Variants in IL1RAPL2 observed in about 807,000 individuals in gnomAD.
The protein encoded by IL1RAPL2 is interleukin 1 receptor accessory protein like 2, also known as X-linked interleukin-1 receptor accessory protein-like 2.
A neutral mutation model predicts 44.1 loss-of-function variants in IL1RAPL2; 3 were observed. The observed-to-expected ratio is 0.07, with a 90% CI of 0.03 to 0.18. The LOEUF (loss-of-function observed/expected upper bound fraction) is 0.18, where lower values mean the gene tolerates loss of function less well. Among genes scored for constraint, IL1RAPL2 ranks in the 10% least tolerant of loss-of-function variants. The pLI is 1.00. For synonymous variants in IL1RAPL2, 181 were observed against 178.8 expected (o/e 1.01, Z -0.10); for missense variants, 391 against 496.4 (o/e 0.79, Z 2.02).
At chrX:104,881,357 T>C (rs1050908413) in intron 2 of IL1RAPL2, among the ~76,000 whole-genome samples, 5 of 112,145 alleles carry the variant, frequency 4.5e-5, no homozygotes, top group Non-Finnish European at 9.4e-5. Context: ...TATCTGTAAA[T>C]TGCACTGAAT....
At position 105,022,822 on chromosome X, in the gene IL1RAPL2, T is replaced by C. The variant is rs1484213483; in HGVS notation, c.83-172653T>C. On this transcript the variant is annotated intron_variant, in intron 2 of 10. Coordinates refer to ENST00000372582, the MANE Select transcript of IL1RAPL2 (RefSeq NM_017416.2). ...AGGAAATGGTTAGTGGGCAAGCAGA[T>C]TTTCTCTTGTGGAGAATGGCTCAGA... is the stretch of plus-strand genomic sequence containing the variant. 2.7e-5 allele frequency among the ~76,000 whole-genome samples: 3 copies of C among 110,993 alleles called. No homozygotes were observed. The East Asian group carries it at 8.6e-4, about 32-fold the overall frequency.
At chrX:104,840,366 G>C (rs1158284110) in intron 2 of IL1RAPL2, among the ~76,000 whole-genome samples, 1 of 111,879 alleles carries the variant, frequency 8.9e-6, no homozygotes, top group African/African-American at 3.3e-5. Flanking sequence ...CCATGTAGTC[G>C]TGTGGTTTTG....
At chrX:105,711,570 A>G (rs766731285) in intron 6 of IL1RAPL2, among the ~76,000 whole-genome samples, 2 of 111,534 alleles carry the variant, frequency 1.8e-5, no homozygotes, top group East Asian at 5.7e-4. Context: ...GTCCCTCAAA[A>G]CTTATATCCT....
At chrX:104,647,984 A>G in intron 1 of IL1RAPL2, 1 of 816,497 alleles carries the variant, frequency 1.2e-6, no homozygotes. Context: ...AATGGACACA[A>G]ACACTTTGGC....
At chrX:105,597,246 A>G (rs955419012) in intron 6 of IL1RAPL2, among the ~76,000 whole-genome samples, 1 of 112,194 alleles carries the variant, frequency 8.9e-6, no homozygotes, top group Non-Finnish European at 1.9e-5. Flanking sequence ...TGGCAAACAC[A>G]TATGTGAAGA....
chrX:105,013,324 A>G (rs1292256094), intron 2 of IL1RAPL2, among the ~76,000 whole-genome samples: 1 of 110,675 alleles, frequency 9.0e-6, no homozygotes, highest in East Asian at 2.9e-4. Context: ...ATGCCAACAG[A>G]ACCGCAGCAT....
intron 2 of IL1RAPL2, among the ~76,000 whole-genome samples, chrX:105,046,379 C>A (rs940687501): frequency 9.0e-6 from 1 of 111,729 alleles, no homozygotes; most frequent in African/African-American, 3.3e-5. Flanking sequence ...ACTCTGCTTT[C>A]TGATCAGAAT....
At chrX:104,647,703 C>T (rs749407879) in intron 1 of IL1RAPL2, 16 of 546,034 alleles carry the variant, frequency 2.9e-5, no homozygotes, top group African/African-American at 6.8e-5. Flanking sequence ...AGCTGGCTAG[C>T]GACAGGCCAG....
intron 5 of IL1RAPL2, among the ~76,000 whole-genome samples, chrX:105,273,601 C>T (rs1315697908): frequency 9.0e-6 from 1 of 111,641 alleles, no homozygotes; most frequent in Non-Finnish European, 1.9e-5. Context: ...ACAGACAGGC[C>T]TTGCTGGTTT....
intron 6 of IL1RAPL2, among the ~76,000 whole-genome samples, chrX:105,711,094 G>C (rs757058369): frequency 3.7e-5 from 4 of 109,250 alleles, no homozygotes; most frequent in African/African-American, 1.3e-4. Flanking sequence ...AGCTACACCC[G>C]GGGATCACTG....
At chrX:104,907,931 G>A (rs1924076128) in intron 2 of IL1RAPL2, among the ~76,000 whole-genome samples, 1 of 109,461 alleles carries the variant, frequency 9.1e-6, no homozygotes, top group Non-Finnish European at 1.9e-5. Context: ...TTAATGTGTG[G>A]GAGTCTAAGT....
intron 4 of IL1RAPL2, among the ~76,000 whole-genome samples, chrX:105,248,384 CTAA>C (rs1169996248): frequency 1.8e-5 from 2 of 111,627 alleles, no homozygotes; most frequent in African/African-American, 6.5e-5. Context: ...AAAAATAGAA[CTAA>C]TGAGAAACTT....
chrX:104,731,460 T>TGGCGCAGTCTCTACTCACTGCAGC (rs370147123), intron 2 of IL1RAPL2, among the ~76,000 whole-genome samples: 5,419 of 110,914 alleles, frequency 0.049, 398 homozygotes, highest in African/African-American at 0.17. Flanking sequence ...TGGAATGCAG[T>TGGCGCAGTCTCTACTCACTGCAGC]GGCGCAGTCT....
At chrX:104,656,047 A>G (rs1433235430) in intron 1 of IL1RAPL2, among the ~76,000 whole-genome samples, 1 of 110,601 alleles carries the variant, frequency 9.0e-6, no homozygotes, top group Non-Finnish European at 1.9e-5. Context: ...TATTGCATCT[A>G]TTTGATTCTT....
chrX:104,978,177 T>C (rs1602865393), intron 2 of IL1RAPL2, among the ~76,000 whole-genome samples: 1 of 111,993 alleles, frequency 8.9e-6, no homozygotes, highest in East Asian at 2.8e-4. Context: ...TGTAAAACAA[T>C]GTTATAAATT....
chrX:105,454,300 G>A lies in IL1RAPL2; in HGVS notation c.698-30013G>A, dbSNP rs368972387. 1.1e-4 allele frequency among the ~76,000 whole-genome samples: 12 copies of A among 111,645 alleles called. No homozygotes were observed. The East Asian group carries it at 1.7e-3, about 16-fold the overall frequency. On this transcript the variant is annotated intron_variant, in intron 5 of 10. Coordinates refer to ENST00000372582, the MANE Select transcript of IL1RAPL2 (RefSeq NM_017416.2). Reference sequence around the variant, plus strand: ...ACTAATGCTGTGTTTCCCACTCCTTGGGACATAACTTGCAACAATATGGTG... The same window carrying A: ...ACTAATGCTGTGTTTCCCACTCCTTAGGACATAACTTGCAACAATATGGTG...
intron 2 of IL1RAPL2, among the ~76,000 whole-genome samples, chrX:104,731,343 T>A (rs1175867571): frequency 9.0e-6 from 1 of 110,934 alleles, no homozygotes; most frequent in Admixed American, 9.6e-5. Context: ...AGGGTTTTTA[T>A]GGTTTTAGGT....
chrX:105,670,105 GTATATATATATATATATA>G lies in IL1RAPL2; in HGVS notation c.773-47236_773-47219del, dbSNP rs1171872748. 3.3e-3 allele frequency among the ~76,000 whole-genome samples: 38 copies of G among 11,685 alleles called. 3 individuals are homozygous for G. In the Middle Eastern group the frequency reaches 0.3, roughly 92 times the overall value. The allele number at this position is 11,685 out of a possible 115,157, so 10.1% of individuals were successfully genotyped here. ...GTGTGGCTCTATTTCTGGGTTTCCT[GTATATATATATATATATA>G]TATATATATATATATATATATATAT... On this transcript the variant is annotated intron_variant, in intron 6 of 10. Coordinates refer to ENST00000372582, the MANE Select transcript of IL1RAPL2 (RefSeq NM_017416.2).
At chrX:104,988,896 T>G (rs2147730889) in intron 2 of IL1RAPL2, among the ~76,000 whole-genome samples, 1 of 112,062 alleles carries the variant, frequency 8.9e-6, no homozygotes, top group African/African-American at 3.2e-5. Flanking sequence ...TCACTTAAGG[T>G]AATAAAGAGG....
Sources: gnomAD v4.1 joint callset for allele counts (sites outside exome capture counted in the v4.1 genomes callset) on GRCh38, gnomAD v4.1.1 for gene constraint, MANE v1.5 for transcripts, NCBI Gene and HGNC (gene_info 2026-07-23, HGNC 2026-07-21) for gene names.